TMEM236: variants seen among roughly 807,000 people sequenced by gnomAD.
TMEM236 encodes transmembrane protein 236.
In TMEM236, 11 loss-of-function variants were observed where a neutral mutation model predicts 14.7. The observed-to-expected ratio is 0.75, with a 90% CI of 0.47 to 1.24. The LOEUF is 1.24. Ranked by LOEUF, TMEM236 falls within the 50% of genes most tolerant of loss-of-function variation. TMEM236 has a pLI of 0.00. For missense variants in TMEM236, 464 were observed against 427.3 expected (o/e 1.09, Z -0.76); for synonymous variants, 182 against 168.6 (o/e 1.08, Z -0.62).
chr10:17,766,380 A>G (rs1437402257), intron 1 of TMEM236, among the ~76,000 whole-genome samples: 4 of 152,190 alleles, frequency 2.6e-5, no homozygotes, highest in Admixed American at 6.5e-5. Context: ...CCTCATTTCC[A>G]TCTTAAACCT....
intron 3 of TMEM236, among the ~76,000 whole-genome samples, chr10:17,776,663 A>G (rs1407555402): frequency 6.6e-6 from 1 of 152,190 alleles, no homozygotes; most frequent in African/African-American, 2.4e-5. Context: ...GGCTGGGTGC[A>G]GTGGCTCACA....
chr10:17,762,470 A>G (rs927732327), intron 1 of TMEM236, among the ~76,000 whole-genome samples: 1 of 150,934 alleles, frequency 6.6e-6, no homozygotes, highest in Non-Finnish European at 1.5e-5. Flanking sequence ...AGAGTGTATG[A>G]TTGACTAAAC....
At position 17,776,192 on chromosome 10, in the gene TMEM236, A is replaced by G. The variant is rs1273281271; in HGVS notation, c.472+22A>G. 1.2e-5 allele frequency: 19 copies of G among 1,600,578 alleles called. No individual in the cohort carries two copies. The African/African-American group carries it at 2.5e-4, about 21-fold the overall frequency. On this transcript the variant is annotated intron_variant, in intron 3 of 3. Coordinates refer to ENST00000377495, the MANE Select transcript of TMEM236 (RefSeq NM_001098844.3). ...AAGAGTAAGTGTTCTTTTAAATGTG[A>G]ATATTTTTTAAAGTTTGATATATTT...
At chr10:17,788,227 G>A (rs1223649246) in intron 3 of TMEM236, among the ~76,000 whole-genome samples, 1 of 150,586 alleles carries the variant, frequency 6.6e-6, no homozygotes, top group Non-Finnish European at 1.5e-5. Context: ...AATTACTTTT[G>A]TATAAAATAT....
chr10:17,777,242 C>T (rs1006421893), intron 3 of TMEM236, among the ~76,000 whole-genome samples: 2 of 152,108 alleles, frequency 1.3e-5, no homozygotes, highest in Admixed American at 6.5e-5. Context: ...ACTTCATCCT[C>T]GGGTGGGAGA....
intron 1 of TMEM236, among the ~76,000 whole-genome samples, chr10:17,758,410 C>T (rs1030647600): frequency 6.6e-6 from 1 of 152,056 alleles, no homozygotes; most frequent in East Asian, 1.9e-4. Flanking sequence ...ATGGTGTGCC[C>T]CAGGAATATA....
intron 3 of TMEM236, among the ~76,000 whole-genome samples, chr10:17,791,662 A>G (rs34601069): frequency 6.6e-6 from 1 of 151,978 alleles, no homozygotes; most frequent in African/African-American, 2.4e-5. Flanking sequence ...GGATATTTAC[A>G]CAGGCCATTT....
chr10:17,752,623 G>A lies in TMEM236; in HGVS notation c.257+71G>A, dbSNP rs1837226048. 1.0e-5 allele frequency: 15 copies of A among 1,501,128 alleles called. No homozygotes were observed. The East Asian group carries it at 2.7e-4, about 27-fold the overall frequency. The allele number at this position is 1,501,128 out of a possible 1,614,324, so 93.0% of individuals were successfully genotyped here. On this transcript the variant is annotated intron_variant, in intron 1 of 3. Transcript: ENST00000377495. ...GCTCTGTCACCCAGGCTGGAGTGCA[G>A]TAGGGCAGTCTTGGCTCACTGCAAC...
chr10:17,795,780 A>G, intron 3 of TMEM236, 141 bp from the exon 4 acceptor site: 1 of 973,040 alleles, frequency 1.0e-6, no homozygotes. Flanking sequence ...TGGAACTTAA[A>G]ATAAAATTAA....
At position 17,796,460 on chromosome 10, in the gene TMEM236, AC is replaced by A; in HGVS notation, c.1014del (p.Arg339GlufsTer25). Reference sequence around the variant, plus strand: ...CTCTTACATTTACTTCAATTACCTAACCAGAATCAGGATTTTTTCTGCCTTT... The same window carrying A: ...CTCTTACATTTACTTCAATTACCTAACAGAATCAGGATTTTTTCTGCCTTT... Reference protein sequence around the residue: ...TLSYIYFNYLTRIRIFSAFEM... With the variant: ...TLSYIYFNYLXRIRIFSAFEM... On this transcript the variant is annotated frameshift_variant, in exon 4 of 4. Coordinates refer to ENST00000377495, the MANE Select transcript of TMEM236 (RefSeq NM_001098844.3). LOFTEE classifies it high-confidence loss of function. 1 of 1,613,210 alleles carries A rather than the reference AC, an allele frequency of 6.2e-7. No individual in the cohort carries two copies. The highest frequency in any genetic ancestry group is 1.1e-5 in the South Asian group (1 of 91,028).
At chr10:17,791,143 C>T (rs1837917882) in intron 3 of TMEM236, among the ~76,000 whole-genome samples, 3 of 152,040 alleles carry the variant, frequency 2.0e-5, no homozygotes, top group African/African-American at 7.3e-5. Flanking sequence ...TCAGTTTACT[C>T]ATCATTAAAA....
intron 3 of TMEM236, among the ~76,000 whole-genome samples, chr10:17,783,280 G>C (rs1464439698): frequency 6.6e-6 from 1 of 152,154 alleles, no homozygotes; most frequent in Non-Finnish European, 1.5e-5. Flanking sequence ...AATGTCGAGG[G>C]GCCCGTAATG....
intron 1 of TMEM236, among the ~76,000 whole-genome samples, chr10:17,761,911 C>T (rs966888219): frequency 6.6e-6 from 1 of 152,098 alleles, no homozygotes; most frequent in Non-Finnish European, 1.5e-5. Context: ...CTTCGTAGAA[C>T]AGCCTTCTTT....
rs1838069182 is a variant in TMEM236 at position 17,799,863 on chromosome 10, G to C, written c.*3359G>C. 1 of 152,428 alleles carries C rather than the reference G, an allele frequency of 6.6e-6. No homozygotes were observed. Among genetic ancestry groups the C allele is most frequent in the Non-Finnish European group, 1.5e-5 (1 of 68,006 alleles). The allele number at this position is 152,428 out of a possible 1,614,324, so 9.4% of individuals were successfully genotyped here. On this transcript the variant is annotated 3_prime_UTR_variant, in exon 4 of 4. Coordinates refer to ENST00000377495, the MANE Select transcript of TMEM236 (RefSeq NM_001098844.3). Reference sequence around the variant, plus strand: ...TCACAACACTATACAAATAATGAAGGCATGTACAGAAGATTATGTGTAGGA... The same window carrying C: ...TCACAACACTATACAAATAATGAAGCCATGTACAGAAGATTATGTGTAGGA...
At chr10:17,777,804 C>A (rs954695462) in intron 3 of TMEM236, among the ~76,000 whole-genome samples, 3 of 152,020 alleles carry the variant, frequency 2.0e-5, no homozygotes, top group African/African-American at 4.8e-5. Context: ...AGCGGCATGA[C>A]CTCTGCTCGC....
rs1838072588 is a variant in TMEM236 at position 17,800,099 on chromosome 10, G to A, written c.*3595G>A. 6.6e-6 allele frequency: 1 copy of A among 151,842 alleles called. No individual in the cohort carries two copies. Among genetic ancestry groups the A allele is most frequent in the African/African-American group, 2.4e-5 (1 of 41,368 alleles). The allele number at this position is 151,842 out of a possible 1,614,324, so 9.4% of individuals were successfully genotyped here. A position where few individuals can be genotyped will look rare whatever the true frequency, so the allele number is the denominator to read the frequency against. ...ATTGAGGTTTTTGCCATTGAAAGTG[G>A]TGGTGCATGCCTGTAATCCCAGCTA... is the stretch of plus-strand genomic sequence containing the variant. On this transcript the variant is annotated 3_prime_UTR_variant, in exon 4 of 4. Coordinates refer to ENST00000377495, the MANE Select transcript of TMEM236 (RefSeq NM_001098844.3).
chr10:17,791,959 C>T (rs1033923027), intron 3 of TMEM236, among the ~76,000 whole-genome samples: 3 of 152,202 alleles, frequency 2.0e-5, no homozygotes, highest in East Asian at 1.9e-4. Context: ...AGGCTTGGTA[C>T]GGCACTCTCA....
At chr10:17,771,686 C>G (rs1354186061) in intron 2 of TMEM236, among the ~76,000 whole-genome samples, 4 of 152,148 alleles carry the variant, frequency 2.6e-5, no homozygotes, top group Admixed American at 6.5e-5. Context: ...TTCTACCAAC[C>G]TGATGTTTTT....
chr10:17,799,420 C>T lies in TMEM236; in HGVS notation c.*2916C>T, dbSNP rs1392397800. On this transcript the variant is annotated 3_prime_UTR_variant, in exon 4 of 4. Coordinates refer to ENST00000377495, the MANE Select transcript of TMEM236 (RefSeq NM_001098844.3). ...GACTAGCCTGGCCAACATGGTGAAA[C>T]ACCGTCTGTACTAAAAATACAAAAA... 6.6e-6 allele frequency: 1 copy of T among 152,204 alleles called. No individual in the cohort carries two copies. Among genetic ancestry groups the T allele is most frequent in the Non-Finnish European group, 1.5e-5 (1 of 68,108 alleles). The allele number at this position is 152,204 out of a possible 1,614,324, so 9.4% of individuals were successfully genotyped here. A position where few individuals can be genotyped will look rare whatever the true frequency, so the allele number is the denominator to read the frequency against.
Sources: gnomAD v4.1 joint callset for allele counts (sites outside exome capture counted in the v4.1 genomes callset) on GRCh38, gnomAD v4.1.1 for gene constraint, MANE v1.5 for transcripts, NCBI Gene and HGNC (gene_info 2026-07-23, HGNC 2026-07-21) for gene names.